ASTN2: variants seen among roughly 807,000 people sequenced by gnomAD.
ASTN2 encodes astrotactin 2.
A neutral mutation model predicts 139.8 loss-of-function variants in ASTN2; 54 were observed. The observed-to-expected ratio is 0.39, with a 90% CI of 0.31 to 0.48. ASTN2 has a LOEUF of 0.48. Ranked by LOEUF, ASTN2 falls within the 20% of genes least tolerant of loss-of-function variation. ASTN2 has a pLI of 0.95. For missense variants in ASTN2, 1,565 were observed against 1,725.1 expected, an observed-to-expected ratio of 0.91 and a Z score of 1.64; for synonymous variants, 756 against 719.5, an observed-to-expected ratio of 1.05 and a Z score of -0.81.
At chr9:116,508,026 T>A (rs1271704221) in intron 19 of ASTN2, among the ~76,000 whole-genome samples, 3 of 152,028 alleles carry the variant, frequency 2.0e-5, no homozygotes, top group Non-Finnish European at 4.4e-5. Flanking sequence ...GTAGCTGGGG[T>A]TAAAGGCATA....
At chr9:116,814,377 G>A (rs1831253603) in intron 12 of ASTN2, among the ~76,000 whole-genome samples, 1 of 152,150 alleles carries the variant, frequency 6.6e-6, no homozygotes, top group Non-Finnish European at 1.5e-5. Flanking sequence ...GTCTTGGGTT[G>A]CAGGTTTTAT....
intron 2 of ASTN2, among the ~76,000 whole-genome samples, chr9:117,224,797 C>T (rs1186389881): frequency 1.3e-5 from 2 of 152,164 alleles, no homozygotes; most frequent in Non-Finnish European, 2.9e-5. Context: ...TTGTCGAGTC[C>T]TTTAAGCCTC....
chr9:117,312,301 G>A (rs200204040), intron 1 of ASTN2, among the ~76,000 whole-genome samples: 5 of 152,154 alleles, frequency 3.3e-5, no homozygotes, highest in South Asian at 2.1e-4. Flanking sequence ...AAATAAAAAC[G>A]TTACATCCTC....
At chr9:116,743,585 C>A (rs963404496) in intron 13 of ASTN2, among the ~76,000 whole-genome samples, 3 of 151,102 alleles carry the variant, frequency 2.0e-5, no homozygotes, top group Non-Finnish European at 4.4e-5. Flanking sequence ...GATCTCGGCT[C>A]ACTGAAACCT....
intron 19 of ASTN2, among the ~76,000 whole-genome samples, chr9:116,586,819 CACACACATACAT>C (rs1294321482): frequency 3.6e-4 from 30 of 82,620 alleles, no homozygotes; most frequent in African/African-American, 1.4e-3. Flanking sequence ...AATTCACACA[CACACACATACAT>C]ACACACACAC....
intron 10 of ASTN2, among the ~76,000 whole-genome samples, chr9:116,864,523 A>G (rs1832970183): frequency 6.6e-6 from 1 of 152,198 alleles, no homozygotes; most frequent in Non-Finnish European, 1.5e-5. Flanking sequence ...ATTCTCTACA[A>G]TGGAGGATAC....
chr9:116,579,087 G>A (rs1412694280), intron 19 of ASTN2: 1 of 152,012 alleles, frequency 6.6e-6, no homozygotes, highest in African/African-American at 2.4e-5. Context: ...AAAAACCACA[G>A]CCTCCAAGTA....
chr9:116,886,873 T>C (rs1344406380), intron 10 of ASTN2, among the ~76,000 whole-genome samples: 3 of 152,052 alleles, frequency 2.0e-5, no homozygotes, highest in South Asian at 2.1e-4. Context: ...TAAAGACTTA[T>C]GTGGTTTAAG....
chr9:116,909,961 G>C (rs573908449), intron 10 of ASTN2, among the ~76,000 whole-genome samples: 2 of 152,178 alleles, frequency 1.3e-5, no homozygotes, highest in East Asian at 3.9e-4. Flanking sequence ...TGGTGGAAGG[G>C]GAATCAAGGC....
intron 1 of ASTN2, among the ~76,000 whole-genome samples, chr9:117,311,334 G>T (rs528068616): frequency 6.6e-6 from 1 of 151,966 alleles, no homozygotes; most frequent in Non-Finnish European, 1.5e-5. Flanking sequence ...ATCTCCGGCA[G>T]ACCCTGTTAG....
chr9:117,195,571 G>A lies in ASTN2; in HGVS notation c.1015+18787C>T, dbSNP rs183339570. ...TGATGTGGCTTGAAGAGGAATGGAC[G>A]GTCATAGGGTGGGAAGCAGGGGTGA... On this transcript the variant is annotated intron_variant, in intron 3 of 22. Transcript: ENST00000313400. Among the ~76,000 whole-genome samples, 423 of 152,218 alleles carry A rather than the reference G, an allele frequency of 2.8e-3. 2 individuals carry two copies. The highest frequency in any genetic ancestry group is 8.8e-3 in the African/African-American group (367 of 41,532).
chr9:116,691,527 T>G (rs1017675861), intron 16 of ASTN2, among the ~76,000 whole-genome samples: 3 of 152,188 alleles, frequency 2.0e-5, no homozygotes, highest in Admixed American at 2.0e-4. Flanking sequence ...ATGTTTAACT[T>G]AGTAATTTAG....
At chr9:116,896,616 T>A (rs990029154) in intron 10 of ASTN2, among the ~76,000 whole-genome samples, 13 of 152,106 alleles carry the variant, frequency 8.5e-5, no homozygotes, top group African/African-American at 3.1e-4. Context: ...GCCGTGCCCC[T>A]CCTAGACTGG....
rs115785392 is a variant in ASTN2, at chr9:116,945,579, C to T, written c.1889+29629G>A. On this transcript the variant is annotated intron_variant, in intron 10 of 22. Coordinates refer to ENST00000313400, the MANE Select transcript of ASTN2 (RefSeq NM_001365068.1). ...CATTTCTTCTTTTCTTCCTTTCCTT[C>T]CTCTTTCATTCTCTTTATGTTTCTC... Among the ~76,000 whole-genome samples, 897 of 152,146 alleles carry T rather than the reference C, an allele frequency of 5.9e-3. 12 individuals carry two copies. Among genetic ancestry groups the T allele is most frequent in the African/African-American group, 0.021 (864 of 41,502 alleles).
chr9:116,702,710 T>C (rs1827863599), intron 16 of ASTN2, among the ~76,000 whole-genome samples: 1 of 152,170 alleles, frequency 6.6e-6, no homozygotes, highest in Admixed American at 6.5e-5. Flanking sequence ...ATAAGGTGTT[T>C]AAAAGCTAGT....
rs369271689 is a variant in ASTN2, at chr9:116,892,590, AT to A, written c.1890-28858del. Among the ~76,000 whole-genome samples the A allele has an allele frequency of 5.5e-3, 826 of 150,084 alleles. 2 individuals are homozygous for A. The highest frequency in any genetic ancestry group is 0.018 in the African/African-American group (732 of 40,946). On this transcript the variant is annotated intron_variant, in intron 10 of 22. Transcript: ENST00000313400. The stretch of plus-strand genomic sequence containing the variant: ...GTCAGATTGCACTGACTTTTAATCT[AT>A]TTTTTTTTTCATTATAAAAGTAATA...
chr9:116,823,254 G>A (rs932770195), intron 11 of ASTN2, among the ~76,000 whole-genome samples: 4 of 152,226 alleles, frequency 2.6e-5, no homozygotes, highest in Non-Finnish European at 5.9e-5. Context: ...AGGAAGCGGA[G>A]GAGAGGGTCA....
At chr9:117,246,375 G>T (rs774183000) in intron 2 of ASTN2, among the ~76,000 whole-genome samples, 6 of 152,184 alleles carry the variant, frequency 3.9e-5, no homozygotes, top group Non-Finnish European at 8.8e-5. Context: ...CAGAAATTAT[G>T]CACAGTGCAA....
chr9:116,671,381 A>G (rs1383160583), intron 16 of ASTN2, among the ~76,000 whole-genome samples: 1 of 152,150 alleles, frequency 6.6e-6, no homozygotes, highest in Non-Finnish European at 1.5e-5. Flanking sequence ...GGCTAGACTG[A>G]AAAATTTGGG....
Sources: allele counts gnomAD v4.1 joint callset (sites outside exome capture counted in the v4.1 genomes callset), GRCh38; gene constraint gnomAD v4.1.1; transcripts MANE v1.5; gene names NCBI Gene and HGNC (gene_info 2026-07-23, HGNC 2026-07-21).